The following LHX8 variants were observed in gnomAD, a reference collection of about 807,000 sequenced individuals.
LHX8 encodes LIM homeobox 8.
Under a neutral mutation model 40.3 loss-of-function variants are expected in LHX8, and 12 were observed. The ratio of observed to expected loss-of-function variants is 0.30; its 90% CI spans 0.19 to 0.48. The LOEUF (loss-of-function observed/expected upper bound fraction) is 0.48. Among genes scored for constraint, LHX8 ranks in the 20% least tolerant of loss-of-function variants. LHX8 has a pLI of 0.99. For missense variants in LHX8, 344 were observed against 433.7 expected, an observed-to-expected ratio of 0.79 and a Z score of 1.84; for synonymous variants, 179 against 162.0, an observed-to-expected ratio of 1.10 and a Z score of -0.80.
the LHX8 span, among the ~76,000 whole-genome samples, chr1:75,174,907 T>C: frequency 6.6e-6 from 1 of 152,158 alleles, no homozygotes; most frequent in Non-Finnish European, 1.5e-5. Flanking sequence ...TTTTGGTGCA[T>C]CCATCACTCG....
chr1:75,157,213 G>A (rs950932116), intron 8 of LHX8, 137 bp downstream of exon 8: 10 of 935,844 alleles, frequency 1.1e-5, no homozygotes, highest in Non-Finnish European at 1.5e-5. Flanking sequence ...GGGTGCAGTA[G>A]AGAGCAAAAT....
the LHX8 span, among the ~76,000 whole-genome samples, chr1:75,173,446 C>T: frequency 1.4e-5 from 2 of 142,234 alleles, no homozygotes; most frequent in South Asian, 2.2e-4. Flanking sequence ...TGCAGTGGCA[C>T]GATCTCGACT....
chr1:75,138,369 A>G (rs1210963393), intron 3 of LHX8, among the ~76,000 whole-genome samples: 1 of 152,170 alleles, frequency 6.6e-6, no homozygotes, highest in African/African-American at 2.4e-5. Context: ...TCAACATACA[A>G]AGCTTCTTCA....
chr1:75,192,018 T>G, the LHX8 span, among the ~76,000 whole-genome samples: 1 of 152,198 alleles, frequency 6.6e-6, no homozygotes, highest in Non-Finnish European at 1.5e-5. Context: ...TTGAATCCTA[T>G]CTCCACCACT....
chr1:75,133,515 G>C (rs899865629), upstream of LHX8, among the ~76,000 whole-genome samples: 4 of 152,216 alleles, frequency 2.6e-5, no homozygotes, highest in African/African-American at 9.6e-5. Context: ...TTAAGAAATA[G>C]ACTCCTAGAT....
downstream of LHX8, among the ~76,000 whole-genome samples, chr1:75,166,384 T>G (rs1238241073): frequency 1.3e-5 from 2 of 152,210 alleles, no homozygotes; most frequent in Non-Finnish European, 2.9e-5. Context: ...AAAATTTAGT[T>G]TGCAGAAATG....
At chr1:75,176,744 G>A in the LHX8 span, among the ~76,000 whole-genome samples, 11 of 152,176 alleles carry the variant, frequency 7.2e-5, no homozygotes, top group Admixed American at 5.2e-4. Flanking sequence ...TGAAGTCCTC[G>A]CCCATGCCTA....
intron 2 of LHX8, 42 bp from the exon 3 acceptor site, chr1:75,137,058 A>G (rs1239213320): frequency 6.4e-7 from 1 of 1,557,292 alleles, no homozygotes; most frequent in Non-Finnish European, 8.7e-7. Flanking sequence ...TGCGAAGGGG[A>G]GGAGGGGTCT....
chr1:75,136,589 C>A lies in LHX8; in HGVS notation c.-12-14C>A, dbSNP rs992390315. ...ATCTGTTTCTCCATACTTTCTCCCCCTCCTACTCCGCAGTGTCAGGGGCTC... is the reference window on the plus strand; with the variant it reads ...ATCTGTTTCTCCATACTTTCTCCCCATCCTACTCCGCAGTGTCAGGGGCTC... On this transcript the variant is annotated splice_polypyrimidine_tract_variant and intron_variant, in intron 1 of 8. Transcript: ENST00000356261. 1.3e-6 allele frequency: 2 copies of A among 1,537,028 alleles called. No homozygotes were observed. The highest frequency in any genetic ancestry group is 8.8e-7 in the Non-Finnish European group (1 of 1,134,678).
downstream of LHX8, among the ~76,000 whole-genome samples, chr1:75,163,137 AGTT>A (rs1432275609): frequency 1.3e-5 from 2 of 151,916 alleles, no homozygotes; most frequent in Non-Finnish European, 2.9e-5. Flanking sequence ...ATTTAGTAGT[AGTT>A]TTACATTTGA....
the LHX8 span, among the ~76,000 whole-genome samples, chr1:75,168,993 A>G: frequency 1.1e-3 from 175 of 152,212 alleles, no homozygotes; most frequent in African/African-American, 3.8e-3. Flanking sequence ...GTTCAAAAAG[A>G]TGTGTTTAAA....
intron 7 of LHX8, among the ~76,000 whole-genome samples, chr1:75,149,642 G>A (rs927829384): frequency 2.6e-5 from 4 of 152,008 alleles, no homozygotes; most frequent in African/African-American, 9.7e-5. Context: ...CGACCTCCAG[G>A]TCTCAGGTGA....
At chr1:75,153,604 G>C (rs1648674437) in intron 7 of LHX8, among the ~76,000 whole-genome samples, 1 of 151,260 alleles carries the variant, frequency 6.6e-6, no homozygotes, top group Non-Finnish European at 1.5e-5. Context: ...TAGAGATGGG[G>C]TTTCACCATG....
At chr1:75,150,484 G>A (rs556418264) in intron 7 of LHX8, among the ~76,000 whole-genome samples, 3 of 152,154 alleles carry the variant, frequency 2.0e-5, no homozygotes, top group Non-Finnish European at 4.4e-5. Context: ...GGGTATAAAA[G>A]GTGAAGAACG....
intron 1 of LHX8, among the ~76,000 whole-genome samples, chr1:75,135,525 G>T (rs890074082): frequency 1.3e-5 from 2 of 152,342 alleles, no homozygotes; most frequent in East Asian, 1.9e-4. Flanking sequence ...CCCCCAGGTT[G>T]GTATCTTGCC....
At chr1:75,132,282 C>CATT (rs1647994085), upstream of LHX8, 1 of 152,358 alleles carries the variant, frequency 6.6e-6, no homozygotes, top group Non-Finnish European at 1.5e-5. Flanking sequence ...ATAGCAAACA[C>CATT]ATTCCCCTCT....
At chr1:75,168,222 C>CTGTT in the LHX8 span, among the ~76,000 whole-genome samples, 6 of 152,066 alleles carry the variant, frequency 3.9e-5, no homozygotes, top group Admixed American at 6.6e-5. Context: ...TCATAGTTTT[C>CTGTT]TGTTTGTTTG....
chr1:75,162,784 G>T (rs1388426007), downstream of LHX8, among the ~76,000 whole-genome samples: 1 of 152,106 alleles, frequency 6.6e-6, no homozygotes, highest in Non-Finnish European at 1.5e-5. Flanking sequence ...GCTATCTCTA[G>T]CCAGAGATCT....
chr1:75,141,895 A>G (rs963585127), intron 4 of LHX8, among the ~76,000 whole-genome samples: 1 of 152,146 alleles, frequency 6.6e-6, no homozygotes, highest in Non-Finnish European at 1.5e-5. Context: ...TGTAATACTA[A>G]TTTTGTACTC....
Sources: gnomAD v4.1 joint callset for allele counts (sites outside exome capture counted in the v4.1 genomes callset) on GRCh38, gnomAD v4.1.1 for gene constraint, MANE v1.5 for transcripts, NCBI Gene and HGNC (gene_info 2026-07-23, HGNC 2026-07-21) for gene names.